Variants in CCSER1 observed in about 807,000 individuals in gnomAD.
CCSER1 encodes the protein serine-rich coiled-coil domain-containing protein 1.
A neutral mutation model predicts 82.0 loss-of-function variants in CCSER1; 41 were observed. The observed-to-expected ratio is 0.50, with a 90% confidence interval of 0.39 to 0.65. CCSER1 has a LOEUF of 0.65. CCSER1 is among the 30% of genes least tolerant of loss of function. CCSER1 has a pLI of 0.00. For missense variants in CCSER1, 1,119 were observed against 1,064.2 expected, an observed-to-expected ratio of 1.05 and a Z score of -0.72; for synonymous variants, 414 against 383.9, an observed-to-expected ratio of 1.08 and a Z score of -0.92.
At chr4:90,686,694 T>A (rs1211307588) in intron 6 of CCSER1, among the ~76,000 whole-genome samples, 1 of 152,046 alleles carries the variant, frequency 6.6e-6, no homozygotes, top group East Asian at 1.9e-4. Context: ...GTTCTGAAAA[T>A]TTTCTGTCAG....
In CCSER1 at chr4:90,765,377, G is replaced by A. The variant is rs1449331675; in HGVS notation, c.2010+41386G>A. Among the ~76,000 whole-genome samples the A allele has an allele frequency of 2.6e-5, 4 of 152,026 alleles. No individual in the cohort carries two copies. The East Asian group carries it at 7.7e-4, about 29-fold the overall frequency. ...AGAGTGAAAGATAAATTTCTTTTCT[G>A]CCTCCTTGGGGAGCATCCTAATATG... On this transcript the variant is annotated intron_variant, in intron 7 of 10. Coordinates refer to ENST00000509176, the MANE Select transcript of CCSER1 (RefSeq NM_001145065.2).
chr4:91,344,080 C>G (rs1747893504), intron 10 of CCSER1, among the ~76,000 whole-genome samples: 1 of 152,098 alleles, frequency 6.6e-6, no homozygotes, highest in Non-Finnish European at 1.5e-5. Context: ...GAAACCTAAT[C>G]CCTAATGTGA....
chr4:91,589,305 T>C (rs1016127281), intron 10 of CCSER1, among the ~76,000 whole-genome samples: 1 of 151,830 alleles, frequency 6.6e-6, no homozygotes, highest in Non-Finnish European at 1.5e-5. Flanking sequence ...TATTTAATCA[T>C]GCTAATAAGG....
intron 5 of CCSER1, among the ~76,000 whole-genome samples, chr4:90,592,109 G>C (rs1782779382): frequency 6.6e-6 from 1 of 152,060 alleles, no homozygotes; most frequent in Non-Finnish European, 1.5e-5. Context: ...TAGATGACCT[G>C]TTGATAGGTG....
At chr4:90,830,655 C>G (rs17017714) in intron 8 of CCSER1, among the ~76,000 whole-genome samples, 16,359 of 152,108 alleles carry the variant, frequency 0.11, 990 homozygotes, top group African/African-American at 0.15. Context: ...TTCACAATCC[C>G]TACTCTATTT....
At chr4:91,404,404 G>A (rs934200604) in intron 10 of CCSER1, among the ~76,000 whole-genome samples, 1 of 152,008 alleles carries the variant, frequency 6.6e-6, no homozygotes, top group African/African-American at 2.4e-5. Flanking sequence ...CTCCAGTTCT[G>A]CTCTGATCTT....
In CCSER1 at chr4:90,376,193, CT is replaced by C. The variant is rs139325837; in HGVS notation, c.1510-23842del. 8.0e-3 allele frequency among the ~76,000 whole-genome samples: 1,217 copies of C among 152,224 alleles called. 14 individuals carry two copies. The highest frequency in any genetic ancestry group is 0.028 in the African/African-American group (1,171 of 41,542). ...AGAGATCTCTTCAAAATTAGGCTGC[CT>C]GTGGTTACTCAGGGGATCTTCTTGG... is the stretch of plus-strand genomic sequence containing the variant. On this transcript the variant is annotated intron_variant, in intron 3 of 10. Transcript: ENST00000509176.
chr4:91,002,418 C>T (rs1561461471), intron 9 of CCSER1, among the ~76,000 whole-genome samples: 1 of 152,128 alleles, frequency 6.6e-6, no homozygotes. Context: ...TTAACGTAGT[C>T]CCAAACTTCT....
At chr4:91,432,556 T>G (rs1754390770) in intron 10 of CCSER1, among the ~76,000 whole-genome samples, 1 of 152,168 alleles carries the variant, frequency 6.6e-6, no homozygotes, top group African/African-American at 2.4e-5. Context: ...CTAGAGAATA[T>G]GCTATCAAAC....
intron 10 of CCSER1, among the ~76,000 whole-genome samples, chr4:91,566,577 A>T (rs1447792731): frequency 6.6e-6 from 1 of 151,972 alleles, no homozygotes; most frequent in Admixed American, 6.6e-5. Flanking sequence ...CTTTTTATTG[A>T]TCTGTTCAGG....
At chr4:90,192,428 T>C (rs935264817) in intron 1 of CCSER1, among the ~76,000 whole-genome samples, 2 of 152,072 alleles carry the variant, frequency 1.3e-5, no homozygotes, top group Non-Finnish European at 2.9e-5. Flanking sequence ...ATGTATTCAG[T>C]AGACATTTAG....
chr4:90,160,606 T>A (rs953165770), intron 1 of CCSER1, among the ~76,000 whole-genome samples: 1 of 152,172 alleles, frequency 6.6e-6, no homozygotes, highest in Non-Finnish European at 1.5e-5. Context: ...CAAATGGCAG[T>A]TGTAGAAGGC....
At chr4:91,555,758 T>C (rs1389631102) in intron 10 of CCSER1, among the ~76,000 whole-genome samples, 1 of 151,244 alleles carries the variant, frequency 6.6e-6, no homozygotes, top group Non-Finnish European at 1.5e-5. Context: ...TGTTTTTACT[T>C]TTTTGCAATG....
At chr4:90,545,578 C>T in intron 5 of CCSER1, among the ~76,000 whole-genome samples, 1 of 152,026 alleles carries the variant, frequency 6.6e-6, no homozygotes, top group Non-Finnish European at 1.5e-5. Context: ...ATCATTACTC[C>T]TCATTCCTAT....
rs117310047 is a variant in CCSER1, at chr4:90,781,103, C to T, written c.2011-34659C>T. 2.4e-4 allele frequency: 47 copies of T among 195,548 alleles called. No homozygotes were observed. The East Asian group carries it at 5.4e-3, about 23-fold the overall frequency. 12.1% of individuals were successfully genotyped at this position (195,548 alleles called of 1,614,324 possible). A position where few individuals can be genotyped will look rare whatever the true frequency, so the allele number is the denominator to read the frequency against. ...CCAGATCTCACAAGAACTCACTATC[C>T]GGAAGACAGCACCCAGCCATGAGGG... On this transcript the variant is annotated intron_variant, in intron 7 of 10. Coordinates refer to ENST00000509176, the MANE Select transcript of CCSER1 (RefSeq NM_001145065.2).
chr4:90,211,201 C>T (rs1247875625), intron 1 of CCSER1, among the ~76,000 whole-genome samples: 1 of 152,168 alleles, frequency 6.6e-6, no homozygotes, highest in Non-Finnish European at 1.5e-5. Context: ...TTGAAATCCC[C>T]ATGTGCAACA....
chr4:91,430,234 C>T (rs6852612), intron 10 of CCSER1, among the ~76,000 whole-genome samples: 3,887 of 152,116 alleles, frequency 0.026, 160 homozygotes, highest in African/African-American at 0.089. Flanking sequence ...CAATGGTATA[C>T]CATAGTATTT....
chr4:91,116,805 A>G (rs1426380915), intron 10 of CCSER1, among the ~76,000 whole-genome samples: 1 of 152,196 alleles, frequency 6.6e-6, no homozygotes, highest in African/African-American at 2.4e-5. Flanking sequence ...TGCATGAAGA[A>G]TTAGTTTTAC....
intron 10 of CCSER1, among the ~76,000 whole-genome samples, chr4:91,569,657 T>C (rs11723903): frequency 0.68 from 103,263 of 151,786 alleles, 35,776 homozygotes; most frequent in African/African-American, 0.82. Context: ...CTCACTTTCA[T>C]GAGAACAGCA....
Sources: allele counts gnomAD v4.1 joint callset (sites outside exome capture counted in the v4.1 genomes callset), GRCh38; gene constraint gnomAD v4.1.1; transcripts MANE v1.5; gene names NCBI Gene and HGNC (gene_info 2026-07-23, HGNC 2026-07-21).